MVB12B: variants seen among roughly 807,000 people sequenced by gnomAD.
MVB12B encodes multivesicular body subunit 12B.
In MVB12B, 16 loss-of-function variants were observed where a neutral mutation model predicts 41.6. That is an observed-to-expected ratio of 0.38 (90% CI 0.26 to 0.58). The LOEUF (loss-of-function observed/expected upper bound fraction) is 0.58, where lower values mean the gene tolerates loss of function less well. Among genes scored for constraint, MVB12B ranks in the 20% least tolerant of loss-of-function variants. MVB12B has a pLI of 0.62. For synonymous variants in MVB12B, 133 were observed against 139.7 expected, an observed-to-expected ratio of 0.95 and a Z score of 0.34; for missense variants, 274 against 380.2, an observed-to-expected ratio of 0.72 and a Z score of 2.32.
intron 7 of MVB12B, among the ~76,000 whole-genome samples, chr9:126,449,653 C>T (rs1019580974): frequency 6.6e-6 from 1 of 152,202 alleles, no homozygotes; most frequent in African/African-American, 2.4e-5. Context: ...TGTTCTGAGT[C>T]CCATGGGCAG....
intron 7 of MVB12B, 69 bp from the exon 8 acceptor site, chr9:126,481,300 T>TA (rs1321929856): frequency 1.1e-5 from 14 of 1,287,606 alleles, no homozygotes; most frequent in Non-Finnish European, 1.6e-5. Flanking sequence ...TTCGACATCT[T>TA]CAGTTGCTGG....
intron 7 of MVB12B, among the ~76,000 whole-genome samples, chr9:126,445,586 A>C (rs1832747392): frequency 6.6e-6 from 1 of 151,868 alleles, no homozygotes; most frequent in Non-Finnish European, 1.5e-5. Context: ...TACAGGCGTG[A>C]GCCACCGCAC....
intron 8 of MVB12B, among the ~76,000 whole-genome samples, chr9:126,483,743 A>C (rs1019154062): frequency 3.9e-5 from 6 of 152,170 alleles, no homozygotes; most frequent in African/African-American, 1.2e-4. Context: ...GTCCCGCAGC[A>C]CAGGGGCCAG....
intron 1 of MVB12B, among the ~76,000 whole-genome samples, chr9:126,330,363 G>A (rs1829097616): frequency 6.6e-6 from 1 of 151,904 alleles, no homozygotes; most frequent in African/African-American, 2.4e-5. Context: ...CTAATCAGCA[G>A]AGCAGAATAT....
At chr9:126,341,676 A>G (rs888096809) in intron 2 of MVB12B, among the ~76,000 whole-genome samples, 1 of 152,194 alleles carries the variant, frequency 6.6e-6, no homozygotes, top group Non-Finnish European at 1.5e-5. Context: ...ATTCTTTGCT[A>G]TATGTTTTCC....
chr9:126,342,827 A>G (rs1035288811), intron 2 of MVB12B, among the ~76,000 whole-genome samples: 1 of 152,260 alleles, frequency 6.6e-6, no homozygotes, highest in African/African-American at 2.4e-5. Flanking sequence ...TATCCAAACC[A>G]AAGTGCAAGG....
intron 2 of MVB12B, among the ~76,000 whole-genome samples, chr9:126,344,509 A>T (rs1197895117): frequency 6.6e-6 from 1 of 151,992 alleles, no homozygotes; most frequent in Non-Finnish European, 1.5e-5. Context: ...CTGCTACCAC[A>T]TGGCGCCTTT....
intron 3 of MVB12B, 79 bp downstream of exon 3, chr9:126,381,250 G>T (rs185757281): frequency 3.2e-4 from 331 of 1,026,108 alleles, no homozygotes; most frequent in Middle Eastern, 2.2e-3. Flanking sequence ...TCATTTTGTT[G>T]TTGTTGTGGT....
chr9:126,378,617 C>G (rs1830550114), intron 2 of MVB12B, among the ~76,000 whole-genome samples: 1 of 151,936 alleles, frequency 6.6e-6, no homozygotes, highest in South Asian at 2.1e-4. Context: ...CTCTTTCTCT[C>G]TCTCTCTTCT....
intron 6 of MVB12B, among the ~76,000 whole-genome samples, chr9:126,421,600 A>G (rs1832021888): frequency 6.6e-6 from 1 of 152,130 alleles, no homozygotes; most frequent in Admixed American, 6.5e-5. Context: ...CTTGGGACAC[A>G]CTTTCTTCCT....
At position 126,419,238 on chromosome 9, in the gene MVB12B, T is replaced by A. The variant is rs180980763; in HGVS notation, c.663-2616T>A. 4.1e-4 allele frequency among the ~76,000 whole-genome samples: 62 copies of A among 152,290 alleles called. 1 individual carries two copies. In the East Asian group the frequency reaches 0.012, roughly 29 times the overall value. ...GGCTTTGGAGGCTTAGAAATCTTAG[T>A]CTGGCAGCCATGAAGCAAAATACTT... On this transcript the variant is annotated intron_variant, in intron 6 of 9. Coordinates refer to ENST00000361171, the MANE Select transcript of MVB12B (RefSeq NM_033446.3).
intron 7 of MVB12B, among the ~76,000 whole-genome samples, chr9:126,449,733 C>A (rs979621357): frequency 9.2e-5 from 14 of 152,192 alleles, no homozygotes; most frequent in Non-Finnish European, 1.9e-4. Flanking sequence ...CCTCTCCTGA[C>A]TGGCCTTACC....
rs754132858 is a variant in MVB12B, at chr9:126,376,723, C to T, written c.205-4341C>T. The T allele has an allele frequency of 5.8e-5, 72 of 1,245,818 alleles. No homozygotes were observed. The highest frequency in any genetic ancestry group is 2.5e-4 in the Middle Eastern group (1 of 4,072). The allele number at this position is 1,245,818 out of a possible 1,614,324, so 77.2% of individuals were successfully genotyped here. On this transcript the variant is annotated intron_variant, in intron 2 of 9. Transcript: ENST00000361171. This position sits in a 1 kb window ranked among gnomAD's most constrained non-coding sequence, Gnocchi z 4.1. ...TCGTTTCCACTCTGAAGTTGCACCT[C>T]CTCCCCCACCTCCTCCTGACCTCCA... is the stretch of plus-strand genomic sequence containing the variant.
intron 8 of MVB12B, among the ~76,000 whole-genome samples, chr9:126,482,509 G>A (rs965650825): frequency 6.6e-6 from 1 of 152,242 alleles, no homozygotes; most frequent in Non-Finnish European, 1.5e-5. Flanking sequence ...CCACGGGGCC[G>A]CGTTGCCATG....
chr9:126,349,843 G>T (rs577924203), intron 2 of MVB12B, among the ~76,000 whole-genome samples: 47 of 152,354 alleles, frequency 3.1e-4, no homozygotes, highest in African/African-American at 1.0e-3. Context: ...TCATGTGGCT[G>T]TGTTTTTATT....
intron 1 of MVB12B, among the ~76,000 whole-genome samples, chr9:126,330,089 C>T (rs1157402212): frequency 6.6e-6 from 1 of 152,140 alleles, no homozygotes. Flanking sequence ...GACATTACCT[C>T]CCTTGTTGGG....
In MVB12B at chr9:126,435,852, G is replaced by A. The variant is rs2286887; in HGVS notation, c.757+13904G>A. Among the ~76,000 whole-genome samples, 566 of 152,318 alleles carry A rather than the reference G, an allele frequency of 3.7e-3. 9 individuals are homozygous for A. In the East Asian group the frequency reaches 0.046, roughly 12 times the overall value. On this transcript the variant is annotated intron_variant, in intron 7 of 9. Transcript: ENST00000361171. ...ATTAGACAACATCCTCAGATGTCCC[G>A]TCTCATGGCAGGTCACTGCCACTGT... is the stretch of plus-strand genomic sequence containing the variant.
Position 126,480,594 on chromosome 9 carries a change from C to T in MVB12B, c.758-775C>T, listed in dbSNP as rs915207759. Among the ~76,000 whole-genome samples the T allele has an allele frequency of 6.6e-6, 1 of 152,164 alleles. No homozygotes were observed. On this transcript the variant is annotated intron_variant, in intron 7 of 9. Coordinates refer to ENST00000361171, the MANE Select transcript of MVB12B (RefSeq NM_033446.3). This position sits in a 1 kb window ranked among gnomAD's most constrained non-coding sequence, Gnocchi z 4.9. Reference sequence around the variant, plus strand: ...CCCTGGTTTCTCCATCGTTGCGTCCCCGTTCCATGCCCTTTTTCTCGTGTC... The same window carrying T: ...CCCTGGTTTCTCCATCGTTGCGTCCTCGTTCCATGCCCTTTTTCTCGTGTC...
chr9:126,390,553 A>C (rs1050507635), intron 4 of MVB12B, among the ~76,000 whole-genome samples: 2 of 152,256 alleles, frequency 1.3e-5, no homozygotes, highest in Admixed American at 6.5e-5. Context: ...TTGATAAGTA[A>C]GAGAAAAGAA....
Sources: allele counts gnomAD v4.1 joint callset (sites outside exome capture counted in the v4.1 genomes callset), GRCh38; gene constraint gnomAD v4.1.1; non-coding constraint Gnocchi (gnomAD v3.1); transcripts MANE v1.5; gene names NCBI Gene and HGNC (gene_info 2026-07-23, HGNC 2026-07-21).